RHOBTB1: variants seen among roughly 807,000 people sequenced by gnomAD.
The protein encoded by RHOBTB1 is Rho related BTB domain containing 1, also known as rho-related BTB domain-containing protein 1.
In RHOBTB1, 40 loss-of-function variants were observed where a neutral mutation model predicts 71.6. That is an observed-to-expected ratio of 0.56 (90% confidence interval 0.43 to 0.73). The LOEUF (loss-of-function observed/expected upper bound fraction) is 0.73. RHOBTB1 is among the 30% of genes least tolerant of loss of function. The probability of loss-of-function intolerance (pLI) is 0.00; values close to 1 mark genes in which losing one functional copy is unlikely to be tolerated. For missense variants in RHOBTB1, 797 were observed against 894.0 expected (o/e 0.89, Z 1.38); for synonymous variants, 319 against 334.9 (o/e 0.95, Z 0.52).
intron 2 of RHOBTB1, among the ~76,000 whole-genome samples, chr10:60,961,840 C>T (rs1215593319): frequency 6.7e-6 from 1 of 149,552 alleles, no homozygotes; most frequent in Non-Finnish European, 1.5e-5. Flanking sequence ...ACAGAGTTTC[C>T]CTCTATCACC....
At chr10:60,863,723 G>A in the RHOBTB1 span, among the ~76,000 whole-genome samples, 17 of 152,098 alleles carry the variant, frequency 1.1e-4, no homozygotes, top group Non-Finnish European at 2.2e-4. Flanking sequence ...GGTAGAGATG[G>A]AGTTTCACCG....
intron 2 of RHOBTB1, among the ~76,000 whole-genome samples, chr10:60,978,045 T>G (rs1309480117): frequency 2.6e-5 from 4 of 152,044 alleles, no homozygotes; most frequent in African/African-American, 7.2e-5. Context: ...TGAGGAAAAA[T>G]GTATAAAATT....
At chr10:60,863,779 C>G in the RHOBTB1 span, among the ~76,000 whole-genome samples, 24 of 152,140 alleles carry the variant, frequency 1.6e-4, 1 homozygote, top group African/African-American at 5.1e-4. Context: ...GTGATCCGCC[C>G]ACCTCGGCCT....
chr10:60,934,355 T>C (rs748138665), intron 2 of RHOBTB1, among the ~76,000 whole-genome samples: 1 of 152,130 alleles, frequency 6.6e-6, no homozygotes, highest in Non-Finnish European at 1.5e-5. Flanking sequence ...TTTACTTATA[T>C]CAAAGGAACT....
intron 1 of RHOBTB1, among the ~76,000 whole-genome samples, chr10:60,996,987 T>C (rs528440078): frequency 1.3e-5 from 2 of 152,154 alleles, no homozygotes; most frequent in East Asian, 3.9e-4. Flanking sequence ...CAATTTATTT[T>C]TGTGGTCCAA....
At chr10:60,924,748 A>G (rs946235913) in intron 2 of RHOBTB1, among the ~76,000 whole-genome samples, 1 of 152,256 alleles carries the variant, frequency 6.6e-6, no homozygotes, top group East Asian at 1.9e-4. Context: ...ATGTTAGGCC[A>G]CAAAACAAGT....
intron 2 of RHOBTB1, among the ~76,000 whole-genome samples, chr10:60,955,884 A>G (rs1333451195): frequency 2.6e-5 from 4 of 152,206 alleles, no homozygotes; most frequent in Non-Finnish European, 4.4e-5. Context: ...ATTTTGTTAC[A>G]TTTATAACAA....
chr10:60,888,739 G>A lies in RHOBTB1; in HGVS notation c.929C>T (p.Ala310Val). 1 of 1,614,110 alleles carries A rather than the reference G, an allele frequency of 6.2e-7. No individual in the cohort carries two copies. Among genetic ancestry groups the A allele is most frequent in the Non-Finnish European group, 8.5e-7 (1 of 1,180,030 alleles). Residue 310 changes from alanine to valine, a missense_variant, in exon 6 of 11, where the codon GCC becomes GTC. By Grantham distance (64) the Ala-to-Val change is moderately conservative (BLOSUM62 0). Around this residue, in one of 2 missense-constraint regions of RHOBTB1, gnomAD observed 658 missense variants for 681.5 expected, o/e 0.97. Coordinates refer to ENST00000337910, the MANE Select transcript of RHOBTB1 (RefSeq NM_014836.5). The part of the protein sequence containing the change: ...CEESPNGSEG[A>V]CEKEKQSRDF... ...TCTGCTCTGCTTCTCTTTCTCACAG[G>A]CTCCTTCACTCCCATTTGGGGATTC...
chr10:60,921,453 CT>C (rs1475691008), intron 2 of RHOBTB1, among the ~76,000 whole-genome samples: 2 of 152,208 alleles, frequency 1.3e-5, no homozygotes, highest in Non-Finnish European at 2.9e-5. Flanking sequence ...AGAAGACACA[CT>C]GCAAACATCC....
At chr10:60,866,841 C>A (rs543588759), downstream of RHOBTB1, among the ~76,000 whole-genome samples, 2 of 151,960 alleles carry the variant, frequency 1.3e-5, no homozygotes, top group African/African-American at 4.8e-5. Context: ...ATTGTTAAAC[C>A]ACTGTCATGA....
intron 7 of RHOBTB1, among the ~76,000 whole-genome samples, chr10:60,878,531 C>T (rs761353740): frequency 2.6e-5 from 4 of 152,320 alleles, no homozygotes; most frequent in African/African-American, 9.6e-5. Context: ...AGCTTGATTT[C>T]GAAATTCTGT....
At chr10:60,998,995 G>A (rs1015503864) in intron 1 of RHOBTB1, among the ~76,000 whole-genome samples, 2 of 152,198 alleles carry the variant, frequency 1.3e-5, no homozygotes, top group Non-Finnish European at 2.9e-5. Context: ...GACAACGCCT[G>A]CCTCACCAGA....
chr10:60,966,501 C>G (rs2085962775), intron 2 of RHOBTB1, among the ~76,000 whole-genome samples: 2 of 150,680 alleles, frequency 1.3e-5, no homozygotes, highest in Non-Finnish European at 3.0e-5. Context: ...CAGACCCTAT[C>G]TCTAATTAAA....
intron 2 of RHOBTB1, among the ~76,000 whole-genome samples, chr10:60,926,248 T>C (rs1405574451): frequency 2.6e-5 from 4 of 151,866 alleles, no homozygotes; most frequent in Non-Finnish European, 4.4e-5. Flanking sequence ...AATAAATAAA[T>C]AAATAAATAT....
At chr10:60,967,682 T>C (rs546324702) in intron 2 of RHOBTB1, among the ~76,000 whole-genome samples, 5 of 152,242 alleles carry the variant, frequency 3.3e-5, no homozygotes, top group Admixed American at 6.5e-5. Context: ...GAGGACACTT[T>C]GCATTCTAAA....
intron 2 of RHOBTB1, among the ~76,000 whole-genome samples, chr10:60,917,070 G>A (rs1455160005): frequency 6.6e-6 from 1 of 152,306 alleles, no homozygotes; most frequent in East Asian, 1.9e-4. Flanking sequence ...AGCTCAGTGA[G>A]ACCCATGTCA....
chr10:60,871,592 C>T lies in RHOBTB1; in HGVS notation c.1981G>A (p.Asp661Asn). 6.2e-7 allele frequency: 1 copy of T among 1,614,110 alleles called. No homozygotes were observed. Among genetic ancestry groups the T allele is most frequent in the Non-Finnish European group, 8.5e-7 (1 of 1,179,982 alleles). ...TCCCTTTTCACACGCTGGTAGTGATCTTCTTCCTTCAGGTACCACACAGGG... is the reference window on the plus strand; with the variant it reads ...TCCCTTTTCACACGCTGGTAGTGATTTTCTTCCTTCAGGTACCACACAGGG... ...WPPVWYLKEE[D>N]HYQRVKRERE... Residue 661 changes from aspartate (D) to asparagine (N), a missense_variant, in exon 11 of 11, where the codon GAT (aspartate) becomes AAT (asparagine). By Grantham distance (23) the Asp-to-Asn change is conservative. Coordinates refer to ENST00000337910, the MANE Select transcript of RHOBTB1 (RefSeq NM_014836.5).
At chr10:60,912,182 C>A (rs2083013552) in intron 2 of RHOBTB1, among the ~76,000 whole-genome samples, 1 of 150,744 alleles carries the variant, frequency 6.6e-6, no homozygotes, top group African/African-American at 2.5e-5. Flanking sequence ...ATTCATAATT[C>A]ATAAATATAT....
At chr10:60,973,323 C>T (rs1338917081) in intron 2 of RHOBTB1, among the ~76,000 whole-genome samples, 1 of 152,012 alleles carries the variant, frequency 6.6e-6, no homozygotes, top group Non-Finnish European at 1.5e-5. Flanking sequence ...GCTAGGAGAT[C>T]ATCAGGGGGT....
Sources: allele counts gnomAD v4.1 joint callset (sites outside exome capture counted in the v4.1 genomes callset), GRCh38; gene constraint gnomAD v4.1.1; regional missense constraint gnomAD v4.1.1; transcripts MANE v1.5; gene names NCBI Gene and HGNC (gene_info 2026-07-23, HGNC 2026-07-21).